LACC1: variants seen among roughly 807,000 people sequenced by gnomAD.
The protein encoded by LACC1 is purine nucleoside phosphorylase LACC1.
In LACC1, 25 loss-of-function variants were observed where a neutral mutation model predicts 34.8. The ratio of observed to expected loss-of-function variants is 0.72; its 90% confidence interval spans 0.52 to 1.00. LACC1 has a LOEUF of 1.00. Ranked by LOEUF, LACC1 falls within the 50% of genes least tolerant of loss-of-function variation. LACC1 has a pLI of 0.00. For missense variants in LACC1, 426 were observed against 511.2 expected (o/e 0.83, Z 1.61); for synonymous variants, 162 against 168.0 (o/e 0.96, Z 0.28).
chr13:43,884,016 TG>T, intron 4 of LACC1, 80 bp downstream of exon 4: 1 of 1,190,608 alleles, frequency 8.4e-7, no homozygotes, highest in Non-Finnish European at 1.2e-6. Context: ...CTGATGGACA[TG>T]GCAAACAGTT....
intron 4 of LACC1, among the ~76,000 whole-genome samples, 162 bp from the exon 5 acceptor site, chr13:43,888,595 T>A (rs959461489): frequency 2.0e-5 from 3 of 152,190 alleles, no homozygotes; most frequent in Non-Finnish European, 4.4e-5. Flanking sequence ...AGGTGCTTTG[T>A]GTAGTATGGC....
intron 4 of LACC1, among the ~76,000 whole-genome samples, chr13:43,886,121 T>A (rs1209327072): frequency 2.0e-5 from 3 of 152,120 alleles, no homozygotes; most frequent in Middle Eastern, 3.2e-3. Context: ...GTTGGTGAGA[T>A]TGTGGAGAAA....
chr13:43,880,930 T>G, intron 1 of LACC1, 22 bp from the exon 2 acceptor site: 1 of 1,402,360 alleles, frequency 7.1e-7, no homozygotes, highest in Non-Finnish European at 9.8e-7. Context: ...TCTTATATTC[T>G]TACACTAATT....
At chr13:43,886,348 A>C (rs541683687) in intron 4 of LACC1, among the ~76,000 whole-genome samples, 19 of 152,226 alleles carry the variant, frequency 1.2e-4, no homozygotes, top group Non-Finnish European at 1.9e-4. Context: ...GAAGACATGG[A>C]ATCAACTTAG....
At chr13:43,886,106 C>T (rs1932990) in intron 4 of LACC1, among the ~76,000 whole-genome samples, 40,902 of 152,072 alleles carry the variant, frequency 0.27, 5,719 homozygotes, top group Admixed American at 0.33. Flanking sequence ...CAAAAAACAA[C>T]AGATGTTGGT....
At chr13:43,887,263 C>G (rs1955375291) in intron 4 of LACC1, among the ~76,000 whole-genome samples, 1 of 152,136 alleles carries the variant, frequency 6.6e-6, no homozygotes, top group East Asian at 1.9e-4. Context: ...AACCTGTCAC[C>G]TAAGTCCTTC....
At chr13:43,881,682 A>T (rs1464505534) in intron 2 of LACC1, 135 bp downstream of exon 2, 1 of 674,508 alleles carries the variant, frequency 1.5e-6, no homozygotes, top group African/African-American at 1.8e-5. Context: ...ATCAGTGGCA[A>T]CACAGAGGTG....
At position 43,890,217 on chromosome 13, in the gene LACC1, G is replaced by A. The variant is rs1314288104; in HGVS notation, c.1237G>A (p.Val413Ile). 2 of 1,613,686 alleles carry A rather than the reference G, an allele frequency of 1.2e-6. No individual in the cohort carries two copies. The highest frequency in any genetic ancestry group is 2.2e-5 in the East Asian group (1 of 44,830). ...CCATCCTGACAAGTTTTTCTCCCAT[G>A]TCCGAGATGGCCTTAATTTTGGTAC... is the stretch of plus-strand genomic sequence containing the variant. ...SCHPDKFFSH[V>I]RDGLNFGTQI... The change falls in exon 6 of 7, where the codon GTC becomes ATC. Residue 413 changes from valine to isoleucine, a missense_variant. Physicochemically the swap from Val to Ile is conservative, Grantham distance 29. Coordinates refer to ENST00000325686, the MANE Select transcript of LACC1 (RefSeq NM_153218.4).
Position 43,881,208 on chromosome 13 carries a change from G to T in LACC1, c.223G>T (p.Glu75Ter). ...TSNGLSALLE[E>*]FEIVSCPSMA... is the part of the protein sequence containing the mutation. ...CAATGGATTATCAGCTCTCTTGGAA[G>T]AATTTGAGATTGTTAGCTGTCCCAG... The change falls in exon 2 of 7, where the codon GAA becomes TAA. Residue 75 changes from glutamate to a stop codon, truncating the protein, a stop_gained. Coordinates refer to ENST00000325686, the MANE Select transcript of LACC1 (RefSeq NM_153218.4). LOFTEE classifies it high-confidence loss of function. 1 of 1,614,156 alleles carries T rather than the reference G, an allele frequency of 6.2e-7. No homozygotes were observed. The highest frequency in any genetic ancestry group is 8.5e-7 in the Non-Finnish European group (1 of 1,180,022).
At chr13:43,884,011 G>A in intron 4 of LACC1, 75 bp downstream of exon 4, 1 of 1,269,884 alleles carries the variant, frequency 7.9e-7, no homozygotes, top group Non-Finnish European at 1.1e-6. Flanking sequence ...TCTTTCTGAT[G>A]GACATGGCAA....
At position 43,881,206 on chromosome 13, in the gene LACC1, A is replaced by G. The variant is rs759448516; in HGVS notation, c.221A>G (p.Glu74Gly). The G allele has an allele frequency of 6.2e-6, 10 of 1,614,078 alleles. No individual in the cohort carries two copies. The highest frequency in any genetic ancestry group is 8.5e-6 in the Non-Finnish European group (10 of 1,180,030). ...ETSNGLSALLEEFEIVSCPSM... is the reference protein window; with the variant it reads ...ETSNGLSALLGEFEIVSCPSM... ...AGCAATGGATTATCAGCTCTCTTGGAAGAATTTGAGATTGTTAGCTGTCCC... is the reference window on the plus strand; with the variant it reads ...AGCAATGGATTATCAGCTCTCTTGGGAGAATTTGAGATTGTTAGCTGTCCC... The change falls in exon 2 of 7, where the codon GAA becomes GGA. Residue 74 changes from glutamate to glycine, a missense_variant. Glu to Gly is a moderately conservative substitution (Grantham distance 98). Coordinates refer to ENST00000325686, the MANE Select transcript of LACC1 (RefSeq NM_153218.4).
chr13:43,882,564 G>GAT (rs56292789), intron 3 of LACC1, among the ~76,000 whole-genome samples: 30,818 of 138,986 alleles, frequency 0.22, 3,553 homozygotes, highest in Middle Eastern at 0.33. Flanking sequence ...CACACGTGCA[G>GAT]ATATATATAT....
chr13:43,890,346 C>A, intron 6 of LACC1, 72 bp downstream of exon 6: 1 of 1,239,572 alleles, frequency 8.1e-7, no homozygotes, highest in East Asian at 2.5e-5. Flanking sequence ...CCCTCCCTTT[C>A]TCTTTCTTCC....
chr13:43,880,531 C>A (rs1344660071), intron 1 of LACC1, among the ~76,000 whole-genome samples: 6 of 152,220 alleles, frequency 3.9e-5, no homozygotes, highest in Admixed American at 3.9e-4. Flanking sequence ...CGTGCAGCTC[C>A]ATTTAGCTTC....
In LACC1 at chr13:43,881,115, A is replaced by T; in HGVS notation, c.130A>T (p.Ile44Leu). The T allele has an allele frequency of 6.2e-7, 1 of 1,614,216 alleles. No individual in the cohort carries two copies. Among genetic ancestry groups the T allele is most frequent in the Non-Finnish European group, 8.5e-7 (1 of 1,180,030 alleles). The change falls in exon 2 of 7, where the codon ATA becomes TTA. Residue 44 changes from isoleucine to leucine, a missense_variant. Physicochemically the swap from Ile to Leu is conservative, Grantham distance 5 (BLOSUM62 2). Transcript: ENST00000325686. ...HHAAKAKFLC[I>L]MCCSNISYER... ...TGCTGCCAAGGCCAAGTTTCTCTGT[A>T]TAATGTGTTGCAGTAACATCAGCTA... is the stretch of plus-strand genomic sequence containing the variant.
intron 4 of LACC1, among the ~76,000 whole-genome samples, chr13:43,884,988 A>G (rs1955246255): frequency 1.3e-5 from 2 of 152,230 alleles, no homozygotes; most frequent in African/African-American, 4.8e-5. Context: ...TGTGAATTTC[A>G]AGTCATTAAT....
intron 3 of LACC1, 91 bp from the exon 4 acceptor site, chr13:43,883,680 A>T (rs1955180699): frequency 1.1e-6 from 1 of 932,348 alleles, no homozygotes; most frequent in African/African-American, 1.7e-5. Flanking sequence ...CTGGTTATAT[A>T]ATTTTATACT....
intron 4 of LACC1, among the ~76,000 whole-genome samples, chr13:43,886,720 A>G (rs1223380077): frequency 1.3e-5 from 2 of 152,180 alleles, no homozygotes; most frequent in African/African-American, 4.8e-5. Context: ...TACCCATGTA[A>G]CAAACCTGCA....
At position 43,888,636 on chromosome 13, in the gene LACC1, A is replaced by G. The variant is rs190245406; in HGVS notation, c.908-121A>G. The G allele has an allele frequency of 6.7e-6, 5 of 746,126 alleles. No homozygotes were observed. In the Admixed American group the frequency reaches 9.8e-5, roughly 15 times the overall value. The allele number at this position is 746,126 out of a possible 1,614,324, so 46.2% of individuals were successfully genotyped here. ...TAAAAACCACATGATAATGTAATTTATTATTTCTGGACTTTGAAAAATATA... is the reference window on the plus strand; with the variant it reads ...TAAAAACCACATGATAATGTAATTTGTTATTTCTGGACTTTGAAAAATATA... On this transcript the variant is annotated intron_variant, in intron 4 of 6. Coordinates refer to ENST00000325686, the MANE Select transcript of LACC1 (RefSeq NM_153218.4).
Sources: allele counts gnomAD v4.1 joint callset (sites outside exome capture counted in the v4.1 genomes callset), GRCh38; gene constraint gnomAD v4.1.1; transcripts MANE v1.5; gene names NCBI Gene and HGNC (gene_info 2026-07-23, HGNC 2026-07-21).